Variants in ARHGAP15 observed in about 807,000 individuals in gnomAD.
ARHGAP15 encodes Rho GTPase activating protein 15.
ARHGAP15 carries 51 observed loss-of-function variants against 63.7 expected under a neutral mutation model. That is an observed-to-expected ratio of 0.80 (90% CI 0.64 to 1.01). The LOEUF is 1.01. ARHGAP15 is among the 50% of genes least tolerant of loss of function. The pLI, the probability that ARHGAP15 is intolerant of heterozygous loss-of-function variation, is 0.00. For synonymous variants in ARHGAP15, 191 were observed against 193.8 expected (o/e 0.99, Z 0.12); for missense variants, 560 against 564.6 (o/e 0.99, Z 0.08).
chr2:143,280,610 T>C (rs563050419), intron 6 of ARHGAP15, among the ~76,000 whole-genome samples: 13 of 152,224 alleles, frequency 8.5e-5, no homozygotes, highest in African/African-American at 2.6e-4. Flanking sequence ...CCCCGTATGG[T>C]GACAACATGG....
chr2:143,166,932 A>C (rs6715046), intron 2 of ARHGAP15, among the ~76,000 whole-genome samples: 91,678 of 151,892 alleles, frequency 0.6, 28,352 homozygotes, highest in Admixed American at 0.7. Flanking sequence ...TTTATTCATC[A>C]TTCTTTCTTT....
intron 6 of ARHGAP15, among the ~76,000 whole-genome samples, chr2:143,324,919 T>C (rs1382482777): frequency 2.0e-5 from 3 of 152,182 alleles, no homozygotes; most frequent in Non-Finnish European, 4.4e-5. Flanking sequence ...GACATTAAAA[T>C]GTATTTTTTA....
chr2:143,470,699 G>A (rs199576082), intron 8 of ARHGAP15, among the ~76,000 whole-genome samples: 1 of 147,902 alleles, frequency 6.8e-6, no homozygotes. Context: ...GTATATATGT[G>A]TATATATATG....
chr2:143,549,514 A>G (rs550725826), intron 10 of ARHGAP15, among the ~76,000 whole-genome samples: 105 of 152,270 alleles, frequency 6.9e-4, no homozygotes, highest in African/African-American at 2.5e-3. Flanking sequence ...TGGAGTCAAC[A>G]AACAAAAAGA....
intron 11 of ARHGAP15, among the ~76,000 whole-genome samples, chr2:143,617,141 T>C (rs1311172262): frequency 6.6e-6 from 1 of 152,228 alleles, no homozygotes; most frequent in East Asian, 1.9e-4. Context: ...TAATTCCAGC[T>C]TCAAATCTGT....
intron 11 of ARHGAP15, among the ~76,000 whole-genome samples, chr2:143,585,322 C>T (rs1338432615): frequency 6.6e-6 from 1 of 152,006 alleles, no homozygotes; most frequent in Non-Finnish European, 1.5e-5. Flanking sequence ...ATTTAAATAA[C>T]TGCTATAAAA....
chr2:143,342,942 A>G (rs888709119), intron 6 of ARHGAP15, among the ~76,000 whole-genome samples: 3 of 151,908 alleles, frequency 2.0e-5, no homozygotes, highest in African/African-American at 4.8e-5. Flanking sequence ...AACCGCATAT[A>G]TGTGTGTGTG....
chr2:143,177,197 T>A (rs1691041287), intron 2 of ARHGAP15, among the ~76,000 whole-genome samples: 1 of 152,256 alleles, frequency 6.6e-6, no homozygotes, highest in Non-Finnish European at 1.5e-5. Context: ...CCTTTGCCTC[T>A]CTTTTATATG....
chr2:143,621,320 G>A (rs1698640334), intron 11 of ARHGAP15, among the ~76,000 whole-genome samples: 1 of 152,090 alleles, frequency 6.6e-6, no homozygotes, highest in African/African-American at 2.4e-5. Flanking sequence ...GTTAGAAAAT[G>A]CTTATCAAAT....
intron 12 of ARHGAP15, among the ~76,000 whole-genome samples, chr2:143,634,040 T>C (rs1426269349): frequency 6.6e-6 from 1 of 152,138 alleles, no homozygotes; most frequent in Admixed American, 6.6e-5. Flanking sequence ...ATATCTGGCT[T>C]GCATTTCATT....
At chr2:143,163,207 A>G (rs1002926567) in intron 2 of ARHGAP15, among the ~76,000 whole-genome samples, 2 of 151,970 alleles carry the variant, frequency 1.3e-5, no homozygotes, top group Admixed American at 6.6e-5. Flanking sequence ...ACAGAACAGC[A>G]AACACTGACT....
At chr2:143,215,730 C>T (rs1006163774) in intron 3 of ARHGAP15, among the ~76,000 whole-genome samples, 8 of 152,140 alleles carry the variant, frequency 5.3e-5, no homozygotes, top group African/African-American at 1.9e-4. Flanking sequence ...CCAAAACCTC[C>T]GCAAACACTT....
At chr2:143,722,832 C>T (rs1685122239) in intron 13 of ARHGAP15, among the ~76,000 whole-genome samples, 1 of 152,106 alleles carries the variant, frequency 6.6e-6, no homozygotes, top group South Asian at 2.1e-4. Context: ...AAGGAGAGAC[C>T]TGAGTGCAGG....
chr2:143,352,150 C>A (rs1037789752), intron 6 of ARHGAP15, among the ~76,000 whole-genome samples: 6 of 152,118 alleles, frequency 3.9e-5, no homozygotes, highest in Non-Finnish European at 8.8e-5. Flanking sequence ...CCTCTGCCCC[C>A]CATTGCTTTT....
intron 8 of ARHGAP15, among the ~76,000 whole-genome samples, chr2:143,466,174 T>C (rs183370977): frequency 1.3e-5 from 2 of 152,190 alleles, no homozygotes; most frequent in East Asian, 1.9e-4. Context: ...TTTATTTTGA[T>C]TGGCTATTGT....
intron 8 of ARHGAP15, among the ~76,000 whole-genome samples, chr2:143,469,481 A>T (rs1574491180): frequency 6.6e-6 from 1 of 152,192 alleles, no homozygotes; most frequent in East Asian, 1.9e-4. Context: ...TGCCAACTGT[A>T]GCAATGCCCC....
At position 143,465,987 on chromosome 2, in the gene ARHGAP15, G is replaced by A. The variant is rs4624328; in HGVS notation, c.704-21386G>A. Among the ~76,000 whole-genome samples, 88 of 152,210 alleles carry A rather than the reference G, an allele frequency of 5.8e-4. 2 individuals carry two copies. The Middle Eastern group carries it at 0.01, about 18-fold the overall frequency. ...CCCCAGCACTGCCAGTAAACAAACGGATGCCTTGAACAGTGATGGTTTACA... is the reference window on the plus strand; with the variant it reads ...CCCCAGCACTGCCAGTAAACAAACGAATGCCTTGAACAGTGATGGTTTACA... On this transcript the variant is annotated intron_variant, in intron 8 of 13. Transcript: ENST00000295095.
chr2:143,381,717 C>T (rs1027709431), intron 6 of ARHGAP15, among the ~76,000 whole-genome samples: 1 of 152,032 alleles, frequency 6.6e-6, no homozygotes, highest in Non-Finnish European at 1.5e-5. Flanking sequence ...GTCTTTTTTC[C>T]CTTGCGATTT....
At chr2:143,334,816 G>A (rs1223589587) in intron 6 of ARHGAP15, among the ~76,000 whole-genome samples, 2 of 152,166 alleles carry the variant, frequency 1.3e-5, no homozygotes, top group African/African-American at 4.8e-5. Flanking sequence ...CAACAGCCAG[G>A]CGTGGTGGCT....
Sources: allele counts gnomAD v4.1 joint callset (sites outside exome capture counted in the v4.1 genomes callset), GRCh38; gene constraint gnomAD v4.1.1; transcripts MANE v1.5; gene names NCBI Gene and HGNC (gene_info 2026-07-23, HGNC 2026-07-21).